Variants in TRIM36 observed in about 807,000 individuals in gnomAD.
TRIM36 encodes E3 ubiquitin-protein ligase TRIM36.
A neutral mutation model predicts 72.4 loss-of-function variants in TRIM36; 42 were observed. That is an observed-to-expected ratio of 0.58 (90% CI 0.45 to 0.75). TRIM36 has a LOEUF of 0.75. TRIM36 is among the 30% of genes least tolerant of loss of function. The pLI, the probability that TRIM36 is intolerant of heterozygous loss-of-function variation, is 0.00. For synonymous variants in TRIM36, 315 were observed against 282.8 expected (o/e 1.11, Z -1.14); for missense variants, 913 against 857.1 (o/e 1.07, Z -0.81).
At chr5:115,162,388 T>C (rs1561443691) in intron 2 of TRIM36, among the ~76,000 whole-genome samples, 1 of 152,224 alleles carries the variant, frequency 6.6e-6, no homozygotes, top group Non-Finnish European at 1.5e-5. Context: ...ACAAATCCTG[T>C]GGCAGAGGTT....
At chr5:115,141,179 T>C (rs1458877042) in intron 5 of TRIM36, 100 bp downstream of exon 5, 1 of 831,312 alleles carries the variant, frequency 1.2e-6, no homozygotes, top group Non-Finnish European at 1.9e-6. Context: ...AACTTTGTAT[T>C]CCCAGCTCAT....
intron 5 of TRIM36, among the ~76,000 whole-genome samples, chr5:115,138,838 C>G (rs1753113690): frequency 1.3e-5 from 2 of 152,048 alleles, no homozygotes; most frequent in Admixed American, 1.3e-4. Context: ...TTTTTTGAGA[C>G]AGAGTCTCGC....
In TRIM36 at chr5:115,126,510, T is replaced by C. The variant is rs1373518990; in HGVS notation, c.2144A>G (p.Asp715Gly). Residue 715 changes from aspartate (D) to glycine (G), a missense_variant, in exon 10 of 10, where the codon GAC becomes GGC. Asp to Gly is a moderately conservative substitution (Grantham distance 94). Coordinates refer to ENST00000513154, the MANE Select transcript of TRIM36 (RefSeq NM_001300759.2). Reference sequence around the variant, plus strand: ...TCACATCAGATGTTTCAACTACATGTCCTCTTGGTATTCCAGATATTTTGC... The same window carrying C: ...TCACATCAGATGTTTCAACTACATGCCCTCTTGGTATTCCAGATATTTTGC... Reference protein sequence around the residue: ...ITAKYLEYQEDM With the variant: ...ITAKYLEYQEGM 2.5e-6 allele frequency: 4 copies of C among 1,604,654 alleles called. No individual in the cohort carries two copies. Among genetic ancestry groups the C allele is most frequent in the Non-Finnish European group, 1.7e-6 (2 of 1,172,416 alleles).
At position 115,147,211 on chromosome 5, in the gene TRIM36, T is replaced by A; in HGVS notation, c.446A>T (p.Lys149Ile). Residue 149 changes from lysine to isoleucine, a missense_variant, in exon 3 of 10, where the codon AAA becomes ATA. Lys to Ile is a moderately radical substitution (Grantham distance 102). Coordinates refer to ENST00000513154, the MANE Select transcript of TRIM36 (RefSeq NM_001300759.2). ...TTTTGTGGATTCTTGAGGTGGTGGT[T>A]TACAAAGGTCACACATAATGGCTGT... is the stretch of plus-strand genomic sequence containing the variant. ...AATAIMCDLC[K>I]PPPQESTKSC... 6.2e-7 allele frequency: 1 copy of A among 1,614,198 alleles called. No homozygotes were observed. The highest frequency in any genetic ancestry group is 8.5e-7 in the Non-Finnish European group (1 of 1,180,042).
rs116055543 is a variant in TRIM36, at chr5:115,179,542, G to C, written c.63+433C>G. ...GACCCTGATCGCACACTTCGAGCCT[G>C]TTCACTCGCTGGGCGGACCCTCCCT... On this transcript the variant is annotated intron_variant, in intron 1 of 9. Transcript: ENST00000282369. Among the ~76,000 whole-genome samples, 570 of 152,378 alleles carry C rather than the reference G, an allele frequency of 3.7e-3. 2 individuals carry two copies. The highest frequency in any genetic ancestry group is 0.013 in the African/African-American group (548 of 41,594).
intron 5 of TRIM36, among the ~76,000 whole-genome samples, chr5:115,138,589 G>A (rs1053495906): frequency 6.6e-6 from 1 of 151,956 alleles, no homozygotes; most frequent in African/African-American, 2.4e-5. Flanking sequence ...AACCATTTAG[G>A]TTTTTGTGAA....
intron 2 of TRIM36, among the ~76,000 whole-genome samples, chr5:115,154,557 C>T (rs1473752741): frequency 6.6e-6 from 1 of 152,108 alleles, no homozygotes; most frequent in Non-Finnish European, 1.5e-5. Context: ...GCTGTGACTA[C>T]CTTTACATGC....
chr5:115,169,467 G>C, intron 1 of TRIM36, 141 bp downstream of exon 1: 4 of 936,318 alleles, frequency 4.3e-6, no homozygotes, highest in Non-Finnish European at 4.5e-6. Context: ...GGGAGAAGGC[G>C]AAGAGGAAGC....
intron 5 of TRIM36, among the ~76,000 whole-genome samples, chr5:115,139,294 T>G (rs570816287): frequency 4.1e-4 from 63 of 152,104 alleles, no homozygotes; most frequent in Middle Eastern, 6.8e-3. Flanking sequence ...CTAATTTTTT[T>G]GTATCTTTAG....
rs1561432234 is a variant in TRIM36, at chr5:115,147,154, T to C, written c.503A>G (p.Asn168Ser). ...SCMDCSASYC[N>S]ECFKIHHPWG... The stretch of plus-strand genomic sequence containing the variant: ...AGGGTGATGAATTTTGAAGCATTCA[T>C]TGCAGTAACTTGCACTACAGTCCAT... The change falls in exon 3 of 10, where the codon AAT (asparagine) becomes AGT (serine). Residue 168 changes from asparagine to serine, a missense_variant. Transcript: ENST00000513154. 2 of 1,614,242 alleles carry C rather than the reference T, an allele frequency of 1.2e-6. No homozygotes were observed.
chr5:115,145,932 T>C (rs891630766), intron 3 of TRIM36, among the ~76,000 whole-genome samples: 2 of 152,214 alleles, frequency 1.3e-5, no homozygotes, highest in African/African-American at 4.8e-5. Context: ...CATTTGCCTA[T>C]ACCATTTTGG....
Position 115,133,907 on chromosome 5 carries a change from C to T in TRIM36, c.1451G>A (p.Cys484Tyr), listed in dbSNP as rs758314594. The change falls in exon 8 of 10, where the codon TGT (cysteine) becomes TAT (tyrosine). Residue 484 changes from cysteine to tyrosine, a missense_variant. Physicochemically the swap from Cys to Tyr is radical, Grantham distance 194 (BLOSUM62 -2). Transcript: ENST00000513154. ...FRVRAYKGSI[C>Y]SPCSRELILH... The stretch of plus-strand genomic sequence containing the variant: ...AATCAATTCTCTGCTGCAAGGACTA[C>T]AGATTGAACCCTTGTAAGCTCTTAC... 7.3e-5 allele frequency: 118 copies of T among 1,611,964 alleles called. 2 individuals are homozygous for T. The East Asian group carries it at 2.6e-3, about 35-fold the overall frequency.
chr5:115,156,119 C>T (rs1358526499), intron 2 of TRIM36, among the ~76,000 whole-genome samples: 1 of 152,022 alleles, frequency 6.6e-6, no homozygotes, highest in African/African-American at 2.4e-5. Flanking sequence ...AAGTGAAGGA[C>T]TTCTACAAAG....
At chr5:115,179,695 C>G (rs1408318276) in intron 1 of TRIM36, among the ~76,000 whole-genome samples, 2 of 152,256 alleles carry the variant, frequency 1.3e-5, no homozygotes, top group Admixed American at 1.3e-4. Flanking sequence ...ACGCTGGGCT[C>G]TCGCCCTTCG....
chr5:115,165,779 T>A (rs951997229), intron 1 of TRIM36, among the ~76,000 whole-genome samples: 1 of 152,076 alleles, frequency 6.6e-6, no homozygotes, highest in Admixed American at 6.5e-5. Context: ...AGGGCATTCC[T>A]ATGCTCTCGG....
intron 8 of TRIM36, among the ~76,000 whole-genome samples, chr5:115,132,366 C>T (rs532725241): frequency 7.9e-5 from 12 of 151,702 alleles, no homozygotes; most frequent in Non-Finnish European, 1.5e-4. Context: ...AAACCTGGCT[C>T]TACTAAAAAT....
At chr5:115,149,069 A>T (rs1753748325) in intron 2 of TRIM36, 1 of 152,180 alleles carries the variant, frequency 6.6e-6, no homozygotes. Context: ...AATATTTTTA[A>T]TATCTTCATT....
chr5:115,133,825 C>G, intron 8 of TRIM36, 35 bp downstream of exon 8: 1 of 1,538,634 alleles, frequency 6.5e-7, no homozygotes, highest in Non-Finnish European at 8.7e-7. Flanking sequence ...TTGCAACTAA[C>G]TCTATGCTTT....
chr5:115,171,391 G>T (rs1292673989), upstream of TRIM36, among the ~76,000 whole-genome samples: 1 of 152,242 alleles, frequency 6.6e-6, no homozygotes, highest in African/African-American at 2.4e-5. Context: ...GCAGGTGCTA[G>T]ACTTGGGAAG....
Sources: gnomAD v4.1 joint callset for allele counts (sites outside exome capture counted in the v4.1 genomes callset) on GRCh38, gnomAD v4.1.1 for gene constraint, MANE v1.5 for transcripts, NCBI Gene and HGNC (gene_info 2026-07-23, HGNC 2026-07-21) for gene names.